PRKCE: variants seen among roughly 807,000 people sequenced by gnomAD.
PRKCE encodes protein kinase C epsilon, also known as protein kinase C epsilon type.
A neutral mutation model predicts 85.4 loss-of-function variants in PRKCE; 16 were observed. The observed-to-expected ratio is 0.19, with a 90% CI of 0.13 to 0.28. The LOEUF (loss-of-function observed/expected upper bound fraction) is 0.28. PRKCE is among the 10% of genes least tolerant of loss of function. The probability of loss-of-function intolerance (pLI) is 1.00; values close to 1 mark genes in which losing one functional copy is unlikely to be tolerated. For synonymous variants in PRKCE, 388 were observed against 371.5 expected, an observed-to-expected ratio of 1.04 and a Z score of -0.51; for missense variants, 573 against 975.2, an observed-to-expected ratio of 0.59 and a Z score of 5.49.
At chr2:46,010,998 A>C in intron 10 of PRKCE, 1 of 1,325,546 alleles carries the variant, frequency 7.5e-7, no homozygotes, top group Non-Finnish European at 9.7e-7. Context: ...AATATAAGGC[A>C]GCATTTTTAA....
intron 11 of PRKCE, among the ~76,000 whole-genome samples, chr2:46,144,456 A>T (rs1239255793): frequency 6.6e-6 from 1 of 151,982 alleles, no homozygotes; most frequent in Non-Finnish European, 1.5e-5. Context: ...TGGCCTCCTC[A>T]CTACCTTTTG....
chr2:46,135,089 T>C (rs1433730848), intron 11 of PRKCE, among the ~76,000 whole-genome samples: 1 of 152,238 alleles, frequency 6.6e-6, no homozygotes, highest in East Asian at 1.9e-4. Context: ...CTATTTATTT[T>C]GGCTTCAAAC....
At chr2:45,728,891 G>C (rs1047395582) in intron 1 of PRKCE, among the ~76,000 whole-genome samples, 1 of 152,202 alleles carries the variant, frequency 6.6e-6, no homozygotes, top group Non-Finnish European at 1.5e-5. Context: ...TTGGAGCTGG[G>C]TGTTAGCAAA....
Position 45,697,571 on chromosome 2 carries a change from A to T in PRKCE, c.348+45123A>T, listed in dbSNP as rs1337160265. 6.6e-6 allele frequency among the ~76,000 whole-genome samples: 1 copy of T among 152,086 alleles called. No homozygotes were observed. Among genetic ancestry groups the T allele is most frequent in the Non-Finnish European group, 1.5e-5 (1 of 68,026 alleles). On this transcript the variant is annotated intron_variant, in intron 1 of 14. Transcript: ENST00000306156. The surrounding 1 kb of genome is among the most constrained non-coding windows in gnomAD (Gnocchi z 4.2). ...TCAGGGTGGACTGGTTGGCATCTCT[A>T]TGTGGGTGGCATCTCTAGCTCTTTC...
At chr2:45,817,636 G>A (rs950651167) in intron 1 of PRKCE, among the ~76,000 whole-genome samples, 2 of 152,306 alleles carry the variant, frequency 1.3e-5, no homozygotes, top group East Asian at 1.9e-4. Context: ...GGAGCTTGCA[G>A]TGAGCCGAGA....
At chr2:46,074,429 C>CAAAAAAAAAAAAAAAAAAAAAAAAACAA (rs11287357) in intron 10 of PRKCE, among the ~76,000 whole-genome samples, 11 of 93,774 alleles carry the variant, frequency 1.2e-4, no homozygotes, top group South Asian at 4.1e-4. Context: ...CAACAACAAC[C>CAAAAAAAAAAAAAAAAAAAAAAAAACAA]AAAAAAAAAA....
Position 46,008,155 on chromosome 2 carries a change from A to G in PRKCE, c.1263+494A>G, listed in dbSNP as rs989826070. On this transcript the variant is annotated intron_variant, in intron 9 of 14. Transcript: ENST00000306156. The stretch of plus-strand genomic sequence containing the variant: ...ATGTTATTTAACTGATCTTTCTGGC[A>G]TGTAATAAATGTTCTGTTTATCCTT... 2.0e-5 allele frequency among the ~76,000 whole-genome samples: 3 copies of G among 152,350 alleles called. No individual in the cohort carries two copies. The East Asian group carries it at 5.8e-4, about 29-fold the overall frequency.
At chr2:46,056,890 G>A (rs1420218709) in intron 10 of PRKCE, among the ~76,000 whole-genome samples, 2 of 152,176 alleles carry the variant, frequency 1.3e-5, no homozygotes, top group African/African-American at 4.8e-5. Flanking sequence ...GGGGAAACTT[G>A]GACCTGTTTG....
At chr2:45,722,952 T>C (rs1172771714) in intron 1 of PRKCE, among the ~76,000 whole-genome samples, 1 of 152,110 alleles carries the variant, frequency 6.6e-6, no homozygotes, top group South Asian at 2.1e-4. Context: ...AATACAAAAA[T>C]TAGCCGGGTG....
chr2:45,734,914 G>A (rs1307815401), intron 1 of PRKCE, among the ~76,000 whole-genome samples: 2 of 152,234 alleles, frequency 1.3e-5, no homozygotes, highest in Admixed American at 6.5e-5. Flanking sequence ...GTCCATCCTC[G>A]CTGTAGAGCT....
chr2:45,868,119 C>T (rs1409181338), intron 2 of PRKCE, among the ~76,000 whole-genome samples: 1 of 151,420 alleles, frequency 6.6e-6, no homozygotes, highest in African/African-American at 2.4e-5. Flanking sequence ...TGGCTTCATA[C>T]TGAAATATCT....
chr2:45,886,069 G>T (rs1479233172), intron 2 of PRKCE, among the ~76,000 whole-genome samples: 1 of 152,172 alleles, frequency 6.6e-6, no homozygotes, highest in Non-Finnish European at 1.5e-5. Flanking sequence ...AGGCCTACCT[G>T]GGCTGTCTTG....
At chr2:45,797,775 C>T (rs768978078) in intron 1 of PRKCE, among the ~76,000 whole-genome samples, 10 of 152,182 alleles carry the variant, frequency 6.6e-5, no homozygotes, top group Non-Finnish European at 1.2e-4. Context: ...TTGGGACTAC[C>T]GTGGTAGCTT....
chr2:46,021,035 TC>T (rs2104874381), intron 10 of PRKCE, among the ~76,000 whole-genome samples: 1 of 152,070 alleles, frequency 6.6e-6, no homozygotes, highest in South Asian at 2.1e-4. Context: ...AAAGCTGGGA[TC>T]CCCACCTTTG....
chr2:45,918,043 G>A (rs1041643617), intron 2 of PRKCE, among the ~76,000 whole-genome samples: 1 of 152,228 alleles, frequency 6.6e-6, no homozygotes, highest in African/African-American at 2.4e-5. Context: ...CCCGGTTCCC[G>A]CTGGCGCCTC....
chr2:45,682,053 G>A (rs1025348663), intron 1 of PRKCE, among the ~76,000 whole-genome samples: 12 of 152,260 alleles, frequency 7.9e-5, no homozygotes, highest in African/African-American at 2.9e-4. Context: ...TGAAATGGTA[G>A]TGTTTAAGCT....
intron 14 of PRKCE, among the ~76,000 whole-genome samples, chr2:46,173,924 AT>A (rs138043048): frequency 4.0e-5 from 6 of 151,870 alleles, no homozygotes; most frequent in Admixed American, 6.6e-5. Context: ...TTGTAAACAA[AT>A]TTTTTTTTAT....
intron 11 of PRKCE, among the ~76,000 whole-genome samples, chr2:46,103,559 G>A (rs1671435561): frequency 6.6e-6 from 1 of 152,126 alleles, no homozygotes; most frequent in South Asian, 2.1e-4. Flanking sequence ...AAACATGGGA[G>A]TGAGTGAGCA....
In PRKCE at chr2:46,185,003, ACT is replaced by A. The variant is rs543695803; in HGVS notation, c.*123_*124del. On this transcript the variant is annotated 3_prime_UTR_variant, in exon 15 of 15. Coordinates refer to ENST00000306156, the MANE Select transcript of PRKCE (RefSeq NM_005400.3). The surrounding 1 kb of genome is among the most constrained non-coding windows in gnomAD (Gnocchi z 4.7). The stretch of plus-strand genomic sequence containing the variant: ...TCCTCGGAGCCCCAGTCCCATGTCC[ACT>A]GTCTATTTATTGCATTCCCTTGCCC... The A allele has an allele frequency of 6.1e-4, 822 of 1,350,852 alleles. 9 individuals carry two copies. The South Asian group carries it at 0.011, about 18-fold the overall frequency. The allele number at this position is 1,350,852 out of a possible 1,614,324, so 83.7% of individuals were successfully genotyped here.
Sources: allele counts gnomAD v4.1 joint callset (sites outside exome capture counted in the v4.1 genomes callset), GRCh38; gene constraint gnomAD v4.1.1; non-coding constraint Gnocchi (gnomAD v3.1); transcripts MANE v1.5; gene names NCBI Gene and HGNC (gene_info 2026-07-23, HGNC 2026-07-21).